PRICKLE1: variants seen among roughly 807,000 people sequenced by gnomAD.
PRICKLE1 encodes prickle planar cell polarity protein 1.
A neutral mutation model predicts 70.2 loss-of-function variants in PRICKLE1; 14 were observed. The observed-to-expected ratio is 0.20, with a 90% confidence interval of 0.13 to 0.31. The LOEUF is 0.31. PRICKLE1 is among the 10% of genes least tolerant of loss of function. The pLI is 1.00. For synonymous variants in PRICKLE1, 357 were observed against 379.9 expected, an observed-to-expected ratio of 0.94 and a Z score of 0.70; for missense variants, 821 against 1,026.2, an observed-to-expected ratio of 0.80 and a Z score of 2.73.
chr12:42,557,763 T>C (rs1007491285), intron 1 of PRICKLE1, among the ~76,000 whole-genome samples: 2 of 152,232 alleles, frequency 1.3e-5, no homozygotes, highest in Non-Finnish European at 2.9e-5. Context: ...TTAGGTTTCA[T>C]GACTGTTTTA....
intron 1 of PRICKLE1, among the ~76,000 whole-genome samples, chr12:42,550,527 C>A (rs1441717673): frequency 7.2e-5 from 11 of 152,156 alleles, no homozygotes; most frequent in Admixed American, 4.6e-4. Flanking sequence ...AAACTGCCAA[C>A]AAAATAGTCT....
At position 42,589,227 on chromosome 12, in the gene PRICKLE1, G is replaced by A. The variant is rs941757110; in HGVS notation, c.-49+238C>T. Reference sequence around the variant, plus strand: ...TGATGCAGCAAACAGGAGCCATGCGGAGAGCCTCTGCGGAGCCCTGGCGAT... The same window carrying A: ...TGATGCAGCAAACAGGAGCCATGCGAAGAGCCTCTGCGGAGCCCTGGCGAT... On this transcript the variant is annotated intron_variant, in intron 1 of 7. Coordinates refer to ENST00000345127, the MANE Select transcript of PRICKLE1 (RefSeq NM_153026.3). This position sits in a 1 kb window ranked among gnomAD's most constrained non-coding sequence, Gnocchi z 5.0. 6.6e-6 allele frequency: 1 copy of A among 152,394 alleles called. No homozygotes were observed. Among genetic ancestry groups the A allele is most frequent in the African/African-American group, 2.4e-5 (1 of 41,586 alleles). 9.4% of individuals were successfully genotyped at this position (152,394 alleles called of 1,614,324 possible).
intron 1 of PRICKLE1, chr12:42,483,060 C>G (rs1261726996): frequency 6.5e-6 from 1 of 152,692 alleles, no homozygotes; most frequent in Non-Finnish European, 1.5e-5. Flanking sequence ...AGGCAGCGAG[C>G]GAACCCCTCC....
chr12:42,584,124 C>T (rs960410478), intron 1 of PRICKLE1, among the ~76,000 whole-genome samples: 2 of 152,066 alleles, frequency 1.3e-5, no homozygotes, highest in Non-Finnish European at 2.9e-5. Flanking sequence ...CCAATAAAAT[C>T]GTGAAATTAT....
intron 1 of PRICKLE1, among the ~76,000 whole-genome samples, chr12:42,522,320 C>T (rs1430268770): frequency 1.3e-5 from 2 of 152,068 alleles, no homozygotes; most frequent in East Asian, 3.9e-4. Context: ...CCACACTCGT[C>T]TCAAACTCCT....
chr12:42,522,894 TC>T (rs1939735202), intron 1 of PRICKLE1, among the ~76,000 whole-genome samples: 1 of 152,152 alleles, frequency 6.6e-6, no homozygotes, highest in Non-Finnish European at 1.5e-5. Context: ...TTATCCTTAG[TC>T]ACTTTAATTA....
chr12:42,543,086 A>C (rs1940145186), intron 1 of PRICKLE1, among the ~76,000 whole-genome samples: 2 of 152,166 alleles, frequency 1.3e-5, no homozygotes, highest in Non-Finnish European at 2.9e-5. Context: ...CCAAATACCA[A>C]ATTTGCCAGT....
chr12:42,472,381 C>CT lies in PRICKLE1; in HGVS notation c.132+3dup, dbSNP rs1938359241. The stretch of plus-strand genomic sequence containing the variant: ...GAGTAAATATAGGATGATGAAGTTC[C>CT]TACCTGCTCTGGTCTCAGGCCCGGG... On this transcript the variant is annotated splice_donor_region_variant and intron_variant, in intron 2 of 7. Transcript: ENST00000345127. 6.2e-7 allele frequency: 1 copy of CT among 1,614,054 alleles called. No individual in the cohort carries two copies. The highest frequency in any genetic ancestry group is 1.1e-5 in the South Asian group (1 of 91,078).
chr12:42,495,882 T>G (rs896982064), intron 1 of PRICKLE1, among the ~76,000 whole-genome samples: 1 of 152,216 alleles, frequency 6.6e-6, no homozygotes, highest in Non-Finnish European at 1.5e-5. Flanking sequence ...CGTGAGCCAC[T>G]GCGCCCAGCC....
chr12:42,480,104 G>A (rs1157869280), intron 1 of PRICKLE1, among the ~76,000 whole-genome samples: 2 of 152,120 alleles, frequency 1.3e-5, no homozygotes, highest in South Asian at 2.1e-4. Flanking sequence ...GAAACAGAAT[G>A]GCCCCTGACC....
At chr12:42,501,318 C>T (rs1939302267) in intron 1 of PRICKLE1, among the ~76,000 whole-genome samples, 1 of 151,938 alleles carries the variant, frequency 6.6e-6, no homozygotes, top group African/African-American at 2.4e-5. Context: ...TCCTGGCCAA[C>T]ATGGTGAAAC....
At chr12:42,581,511 G>A (rs1037362889) in intron 1 of PRICKLE1, among the ~76,000 whole-genome samples, 28 of 152,018 alleles carry the variant, frequency 1.8e-4, no homozygotes, top group African/African-American at 3.9e-4. Context: ...TTGGGAGGGC[G>A]AGACAGGTGG....
chr12:42,523,651 A>C (rs1278374912), intron 1 of PRICKLE1, among the ~76,000 whole-genome samples: 2 of 152,236 alleles, frequency 1.3e-5, no homozygotes, highest in Non-Finnish European at 2.9e-5. Flanking sequence ...GGGTGCATTA[A>C]AGGGTAAAAA....
chr12:42,516,307 A>G (rs148399756), intron 1 of PRICKLE1, among the ~76,000 whole-genome samples: 472 of 151,750 alleles, frequency 3.1e-3, no homozygotes, highest in Non-Finnish European at 4.8e-3. Context: ...AAGTTTTTGT[A>G]TTTTTTAGTA....
At chr12:42,497,156 A>G (rs35380471) in intron 1 of PRICKLE1, among the ~76,000 whole-genome samples, 6,069 of 152,268 alleles carry the variant, frequency 0.04, 141 homozygotes, top group South Asian at 0.086. Context: ...AACTGGCCCA[A>G]TTGCAATATT....
intron 1 of PRICKLE1, among the ~76,000 whole-genome samples, chr12:42,547,227 T>C (rs1028264435): frequency 1.3e-5 from 2 of 152,216 alleles, no homozygotes; most frequent in African/African-American, 4.8e-5. Context: ...TACTGAGGCA[T>C]CTTCCTAGCA....
chr12:42,520,492 C>T (rs1939691827), intron 1 of PRICKLE1, among the ~76,000 whole-genome samples: 2 of 152,192 alleles, frequency 1.3e-5, no homozygotes, highest in Admixed American at 1.3e-4. Context: ...GCAAAATTTA[C>T]TGCACTGAGT....
chr12:42,480,841 A>G (rs965355708), intron 1 of PRICKLE1, among the ~76,000 whole-genome samples: 3 of 152,224 alleles, frequency 2.0e-5, no homozygotes, highest in Non-Finnish European at 4.4e-5. Flanking sequence ...TTCAGGCAGA[A>G]AACTGTGGGC....
intron 1 of PRICKLE1, among the ~76,000 whole-genome samples, chr12:42,580,150 C>G (rs1940875099): frequency 6.6e-6 from 1 of 152,154 alleles, no homozygotes; most frequent in Admixed American, 6.5e-5. Flanking sequence ...GCTGGGATTA[C>G]AGGTGTGAGT....
Sources: gnomAD v4.1 joint callset for allele counts (sites outside exome capture counted in the v4.1 genomes callset) on GRCh38, gnomAD v4.1.1 for gene constraint, Gnocchi (gnomAD v3.1) non-coding constraint, MANE v1.5 for transcripts, NCBI Gene and HGNC (gene_info 2026-07-23, HGNC 2026-07-21) for gene names.